ITK: variants seen among roughly 807,000 people sequenced by gnomAD.
ITK encodes IL2 inducible T cell kinase, also known as tyrosine-protein kinase ITK/TSK.
Under a neutral mutation model 87.6 loss-of-function variants are expected in ITK, and 45 were observed. The ratio of observed to expected loss-of-function variants is 0.51; its 90% CI spans 0.40 to 0.66. The LOEUF is 0.66. Ranked by LOEUF, ITK falls within the 30% of genes least tolerant of loss-of-function variation. The pLI, the probability that ITK is intolerant of heterozygous loss-of-function variation, is 0.00. For missense variants in ITK, 605 were observed against 766.3 expected (o/e 0.79, Z 2.48); for synonymous variants, 303 against 273.6 (o/e 1.11, Z -1.06).
At chr5:157,228,384 G>T (rs1396199245) in intron 7 of ITK, 23 bp downstream of exon 7, 4 of 1,357,476 alleles carry the variant, frequency 2.9e-6, no homozygotes, top group Non-Finnish European at 4.2e-6. Context: ...ATTTGTTTTT[G>T]GAAAATACAG....
rs778995588 is a variant in ITK at position 157,222,966 on chromosome 5, T to G, written c.599T>G (p.Leu200Arg). ...CTGCGGCGCAACGAAGAGTACTGCC[T>G]GCTGGACAGTTCTGAGATTCACTGG... ...LALRRNEEYCLLDSSEIHWWR... is the reference protein window; with the variant it reads ...LALRRNEEYCRLDSSEIHWWR... Residue 200 changes from leucine to arginine, a missense_variant, in exon 6 of 17, where the codon CTG becomes CGG. Transcript: ENST00000422843. The G allele has an allele frequency of 1.2e-6, 2 of 1,613,984 alleles. No individual in the cohort carries two copies. Among genetic ancestry groups the G allele is most frequent in the South Asian group, 2.2e-5 (2 of 91,080 alleles).
At chr5:157,210,630 G>C (rs925491995) in intron 2 of ITK, among the ~76,000 whole-genome samples, 1 of 149,814 alleles carries the variant, frequency 6.7e-6, no homozygotes, top group African/African-American at 2.5e-5. Flanking sequence ...TGCCGTGCTG[G>C]TGCGCTGCAC....
intron 1 of ITK, among the ~76,000 whole-genome samples, chr5:157,194,512 G>A (rs1265130750): frequency 6.6e-6 from 1 of 152,226 alleles, no homozygotes; most frequent in African/African-American, 2.4e-5. Context: ...CAGGAGGAAA[G>A]TATTAGCCTA....
At position 157,244,778 on chromosome 5, in the gene ITK, A is replaced by C. The variant is rs1754988407; in HGVS notation, c.1449+300A>C. On this transcript the variant is annotated intron_variant, in intron 13 of 16. Coordinates refer to ENST00000422843, the MANE Select transcript of ITK (RefSeq NM_005546.4). ...CTGTGACTCAATTTCCTCCTGGTAA[A>C]TTGAGGAAACTGAGTTTGTCTGAAG... is the stretch of plus-strand genomic sequence containing the variant. 6.6e-5 allele frequency: 26 copies of C among 395,192 alleles called. 1 individual carries two copies. The highest frequency in any genetic ancestry group is 5.7e-4 in the South Asian group (26 of 45,412). 24.5% of individuals were successfully genotyped at this position (395,192 alleles called of 1,614,324 possible).
At chr5:157,228,495 C>A in intron 7 of ITK, 134 bp downstream of exon 7, 1 of 670,732 alleles carries the variant, frequency 1.5e-6, no homozygotes, top group Admixed American at 2.3e-5. Context: ...TACCATCCAG[C>A]TCTTGATACC....
chr5:157,215,397 T>G (rs1300218747), intron 4 of ITK, among the ~76,000 whole-genome samples: 1 of 152,206 alleles, frequency 6.6e-6, no homozygotes, highest in African/African-American at 2.4e-5. Context: ...CATTGCCACT[T>G]TAAAAACCAC....
chr5:157,190,227 A>G (rs1053770196), intron 1 of ITK, among the ~76,000 whole-genome samples: 6 of 152,364 alleles, frequency 3.9e-5, no homozygotes, highest in Middle Eastern at 3.4e-3. Context: ...TTAAAAAGTC[A>G]CAGAAATTAT....
At chr5:157,229,238 A>G (rs1383273996) in intron 7 of ITK, among the ~76,000 whole-genome samples, 5 of 152,232 alleles carry the variant, frequency 3.3e-5, no homozygotes, top group Non-Finnish European at 7.3e-5. Flanking sequence ...AATGAATGTC[A>G]CCACTAGCAA....
intron 9 of ITK, among the ~76,000 whole-genome samples, chr5:157,238,526 CA>C: frequency 6.6e-6 from 1 of 152,258 alleles, no homozygotes; most frequent in South Asian, 2.1e-4. Context: ...TATCTGGAAG[CA>C]AAAATATATG....
intron 1 of ITK, among the ~76,000 whole-genome samples, chr5:157,197,932 A>G (rs1283903787): frequency 6.6e-6 from 1 of 152,180 alleles, no homozygotes; most frequent in Non-Finnish European, 1.5e-5. Flanking sequence ...GATCAGGGAA[A>G]TGTATTTATT....
chr5:157,230,801 T>C (rs1754636378), intron 7 of ITK, among the ~76,000 whole-genome samples: 1 of 152,092 alleles, frequency 6.6e-6, no homozygotes. Flanking sequence ...CAATAGGAAA[T>C]GGTGAGGTCT....
intron 2 of ITK, among the ~76,000 whole-genome samples, chr5:157,210,337 G>A (rs1006865347): frequency 4.6e-5 from 7 of 151,992 alleles, no homozygotes; most frequent in Middle Eastern, 3.4e-3. Context: ...TTTTTAACAT[G>A]GCATAGAAAA....
intron 1 of ITK, chr5:157,196,020 G>C (rs1326987765): frequency 6.6e-6 from 1 of 152,136 alleles, no homozygotes; most frequent in Non-Finnish European, 1.5e-5. Flanking sequence ...GGAAATTTTT[G>C]GTTGTTATAA....
chr5:157,210,420 T>C lies in ITK; in HGVS notation c.244-867T>C, dbSNP rs115468982. ...AGGACTGAAAATAAAAGGAATAGCATGTATTTTTCAGTTGTTCAAAATCTC... is the reference window on the plus strand; with the variant it reads ...AGGACTGAAAATAAAAGGAATAGCACGTATTTTTCAGTTGTTCAAAATCTC... On this transcript the variant is annotated intron_variant, in intron 2 of 16. Coordinates refer to ENST00000422843, the MANE Select transcript of ITK (RefSeq NM_005546.4). 4.9e-3 allele frequency among the ~76,000 whole-genome samples: 744 copies of C among 152,234 alleles called. 9 individuals carry two copies. The highest frequency in any genetic ancestry group is 0.017 in the African/African-American group (700 of 41,542).
chr5:157,210,392 T>A (rs1203466855), intron 2 of ITK, among the ~76,000 whole-genome samples: 1 of 152,072 alleles, frequency 6.6e-6, no homozygotes, highest in Non-Finnish European at 1.5e-5. Flanking sequence ...AGTTGGAATT[T>A]TGAGGACTGA....
intron 5 of ITK, among the ~76,000 whole-genome samples, chr5:157,221,685 A>T (rs1018422239): frequency 6.6e-6 from 1 of 152,120 alleles, no homozygotes; most frequent in African/African-American, 2.4e-5. Context: ...CTATTAACCA[A>T]TGAGTTGACC....
chr5:157,206,941 G>A (rs1754089928), intron 1 of ITK, among the ~76,000 whole-genome samples: 1 of 151,850 alleles, frequency 6.6e-6, no homozygotes, highest in Non-Finnish European at 1.5e-5. Context: ...CAGAGATTAT[G>A]ACACAAATGT....
chr5:157,247,579 A>T (rs1394268286), intron 15 of ITK, among the ~76,000 whole-genome samples: 4 of 152,220 alleles, frequency 2.6e-5, no homozygotes, highest in African/African-American at 9.7e-5. Context: ...GCATATTACC[A>T]TTACAGGGTT....
chr5:157,239,917 C>T (rs957914886), intron 9 of ITK, 145 bp from the exon 10 acceptor site: 7 of 842,028 alleles, frequency 8.3e-6, no homozygotes, highest in Non-Finnish European at 1.3e-5. Flanking sequence ...CCCAATCTGT[C>T]AAGACAGACT....
Sources: gnomAD v4.1 joint callset for allele counts (sites outside exome capture counted in the v4.1 genomes callset) on GRCh38, gnomAD v4.1.1 for gene constraint, MANE v1.5 for transcripts, NCBI Gene and HGNC (gene_info 2026-07-23, HGNC 2026-07-21) for gene names.